The following AVPI1 variants were observed in gnomAD, a reference collection of about 807,000 sequenced individuals.
AVPI1 encodes arginine vasopressin-induced protein 1.
In AVPI1, 9 loss-of-function variants were observed where a neutral mutation model predicts 11.9. The observed-to-expected ratio is 0.76, with a 90% CI of 0.46 to 1.32. The LOEUF (loss-of-function observed/expected upper bound fraction) is 1.32, where lower values mean the gene tolerates loss of function less well. AVPI1 is among the 40% of genes most tolerant of loss of function. The pLI is 0.00. For missense variants in AVPI1, 207 were observed against 195.8 expected, an observed-to-expected ratio of 1.06 and a Z score of -0.34; for synonymous variants, 68 against 78.1, an observed-to-expected ratio of 0.87 and a Z score of 0.68.
At chr10:97,679,209 A>G (rs188335856) in intron 2 of AVPI1, among the ~76,000 whole-genome samples, 1 of 145,140 alleles carries the variant, frequency 6.9e-6, no homozygotes, top group Non-Finnish European at 1.5e-5. Context: ...CGGTGGCGTC[A>G]TCTCAGCTCA....
intron 1 of AVPI1, among the ~76,000 whole-genome samples, chr10:97,681,307 G>A (rs2041701979): frequency 6.6e-6 from 1 of 152,216 alleles, no homozygotes; most frequent in Admixed American, 6.5e-5. Flanking sequence ...GATATGGCTG[G>A]GCGTGGTGGC....
intron 2 of AVPI1, among the ~76,000 whole-genome samples, chr10:97,678,914 T>A (rs1453933135): frequency 2.0e-4 from 2 of 10,244 alleles, no homozygotes; most frequent in Non-Finnish European, 5.0e-4. Context: ...TGTGTGTGTG[T>A]GTGTGTGTGT....
rs1420285811 is a variant in AVPI1, at chr10:97,679,708, A to G, written c.198T>C (p.Arg66=). 2 of 1,614,134 alleles carry G rather than the reference A, an allele frequency of 1.2e-6. No individual in the cohort carries two copies. The highest frequency in any genetic ancestry group is 8.5e-7 in the Non-Finnish European group (1 of 1,180,024). Residue 66 remains arginine (R), a synonymous_variant, in exon 2 of 3, where the codon CGT becomes CGC. Transcript: ENST00000370626. ...QIIWECAGDH[R]VAEALKRLRR... is the part of the protein sequence containing the mutation. ...GCAGCCTCTTGAGGGCCTCAGCCACACGGTGGTCCCCTGCACATTCCCAGA... is the reference window on the plus strand; with the variant it reads ...GCAGCCTCTTGAGGGCCTCAGCCACGCGGTGGTCCCCTGCACATTCCCAGA...
chr10:97,681,838 A>T (rs529855645), intron 1 of AVPI1, among the ~76,000 whole-genome samples: 2 of 149,124 alleles, frequency 1.3e-5, no homozygotes, highest in South Asian at 4.2e-4. Context: ...AGATTGCGCC[A>T]CTGCAGTCCG....
chr10:97,684,577 A>T (rs1180082067), intron 1 of AVPI1, among the ~76,000 whole-genome samples: 1 of 145,146 alleles, frequency 6.9e-6, no homozygotes, highest in Non-Finnish European at 1.5e-5. Context: ...AGCTCACTGC[A>T]ACCTCTGCCT....
At chr10:97,680,601 G>A (rs558787081) in intron 1 of AVPI1, among the ~76,000 whole-genome samples, 22 of 152,242 alleles carry the variant, frequency 1.4e-4, no homozygotes, top group Admixed American at 3.9e-4. Flanking sequence ...GCTGCCTCCC[G>A]TGTCAAATTA....
At chr10:97,683,730 C>T (rs1455509004) in intron 1 of AVPI1, among the ~76,000 whole-genome samples, 2 of 152,232 alleles carry the variant, frequency 1.3e-5, no homozygotes, top group African/African-American at 4.8e-5. Flanking sequence ...GCCCAGCTTC[C>T]ACAGAAGAAA....
chr10:97,683,164 A>AT lies in AVPI1; in HGVS notation c.-10-3250dup, dbSNP rs952841289. Among the ~76,000 whole-genome samples, 117 of 149,822 alleles carry AT rather than the reference A, an allele frequency of 7.8e-4. 1 individual carries two copies. In the South Asian group the frequency reaches 0.014, roughly 18 times the overall value. On this transcript the variant is annotated intron_variant, in intron 1 of 2. Transcript: ENST00000370626. The stretch of plus-strand genomic sequence containing the variant: ...GACTGCAGCCCATGCTTTTATTTTT[A>AT]TTTTTTTTTTGAGAGTGAGTTTTGC...
In AVPI1 at chr10:97,686,976, C is replaced by T. The variant is rs1319131342; in HGVS notation, c.-221G>A. ...GGCGACATCTGCAGCACGAGGAGGC[C>T]CCGGGACTCAGACGTGGCCGCTTCG... On this transcript the variant is annotated 5_prime_UTR_variant, in exon 1 of 3. Transcript: ENST00000370626. The T allele has an allele frequency of 1.3e-5, 2 of 152,348 alleles. No homozygotes were observed. The highest frequency in any genetic ancestry group is 2.9e-5 in the Non-Finnish European group (2 of 68,150). The allele number at this position is 152,348 out of a possible 1,614,324, so 9.4% of individuals were successfully genotyped here.
At chr10:97,683,867 A>ACCATGTTGGCCAG (rs1327694774) in intron 1 of AVPI1, among the ~76,000 whole-genome samples, 4 of 151,878 alleles carry the variant, frequency 2.6e-5, no homozygotes, top group African/African-American at 9.7e-5. Context: ...TCTGTGGGTC[A>ACCATGTTGGCCAG]GCTTCCCTGT....
intron 2 of AVPI1, among the ~76,000 whole-genome samples, chr10:97,678,471 T>C (rs994225406): frequency 6.6e-6 from 1 of 152,112 alleles, no homozygotes; most frequent in Non-Finnish European, 1.5e-5. Flanking sequence ...GCATCACCCA[T>C]AGTGATTGGT....
chr10:97,682,632 C>T lies in AVPI1; in HGVS notation c.-10-2717G>A, dbSNP rs546326303. On this transcript the variant is annotated intron_variant, in intron 1 of 2. Transcript: ENST00000370626. Reference sequence around the variant, plus strand: ...CCCCTTGCCCTGGCCTTCTCCGCTCCTCACCTCAATAGTCACCCTCATTAT... The same window carrying T: ...CCCCTTGCCCTGGCCTTCTCCGCTCTTCACCTCAATAGTCACCCTCATTAT... Among the ~76,000 whole-genome samples the T allele has an allele frequency of 1.0e-3, 152 of 152,200 alleles. 2 individuals are homozygous for T. Among genetic ancestry groups the T allele is most frequent in the African/African-American group, 3.5e-3 (144 of 41,540 alleles).
intron 2 of AVPI1, among the ~76,000 whole-genome samples, chr10:97,679,268 C>A (rs1384675102): frequency 6.6e-6 from 1 of 151,528 alleles, no homozygotes; most frequent in Non-Finnish European, 1.5e-5. Flanking sequence ...CCTCACCCTG[C>A]TGAGTAGCTG....
chr10:97,684,306 G>C (rs1356507934), intron 1 of AVPI1, among the ~76,000 whole-genome samples: 8 of 152,068 alleles, frequency 5.3e-5, no homozygotes, highest in Admixed American at 5.2e-4. Flanking sequence ...GGGAGGAAAT[G>C]GCTTGGAGCC....
At chr10:97,684,842 A>G (rs567748499) in intron 1 of AVPI1, among the ~76,000 whole-genome samples, 1 of 152,310 alleles carries the variant, frequency 6.6e-6, no homozygotes, top group South Asian at 2.1e-4. Flanking sequence ...TGGGATTCAG[A>G]CAGCAGAGTG....
In AVPI1 at chr10:97,679,710, G is replaced by T. The variant is rs1163916825; in HGVS notation, c.196C>A (p.Arg66Ser). ...QIIWECAGDH[R>S]VAEALKRLRR... ...AGCCTCTTGAGGGCCTCAGCCACAC[G>T]GTGGTCCCCTGCACATTCCCAGATG... Residue 66 changes from arginine to serine, a missense_variant, in exon 2 of 3, where the codon CGT (arginine) becomes AGT (serine). Transcript: ENST00000370626. 3.1e-6 allele frequency: 5 copies of T among 1,614,040 alleles called. No homozygotes were observed. In the South Asian group the frequency reaches 5.5e-5, roughly 18 times the overall value.
chr10:97,677,834 G>A lies in AVPI1; in HGVS notation c.*35C>T. On this transcript the variant is annotated 3_prime_UTR_variant, in exon 3 of 3. Transcript: ENST00000370626. ...CACCTCCCCAGGCCTTTTGGCAAGA[G>A]GGAAGACACTGCCATTCCTGGCTCT... 2 of 1,610,774 alleles carry A rather than the reference G, an allele frequency of 1.2e-6. No individual in the cohort carries two copies. Among genetic ancestry groups the A allele is most frequent in the African/African-American group, 1.3e-5 (1 of 75,038 alleles).
At chr10:97,679,395 G>A (rs558993979) in intron 2 of AVPI1, among the ~76,000 whole-genome samples, 10 of 152,068 alleles carry the variant, frequency 6.6e-5, no homozygotes, top group Non-Finnish European at 1.2e-4. Context: ...TGCCTGCCTC[G>A]GCCTCCCAAA....
At position 97,677,789 on chromosome 10, in the gene AVPI1, G is replaced by A; in HGVS notation, c.*80C>T. ...TTTCATTTACCCCTTTGGGCTGCTT[G>A]CCTAAAGTCTCTCTTCCTTCACCTC... On this transcript the variant is annotated 3_prime_UTR_variant, in exon 3 of 3. Transcript: ENST00000370626. The A allele has an allele frequency of 6.4e-7, 1 of 1,558,900 alleles. No individual in the cohort carries two copies. The highest frequency in any genetic ancestry group is 8.7e-7 in the Non-Finnish European group (1 of 1,145,286).
Sources: allele counts gnomAD v4.1 joint callset (sites outside exome capture counted in the v4.1 genomes callset), GRCh38; gene constraint gnomAD v4.1.1; transcripts MANE v1.5; gene names NCBI Gene and HGNC (gene_info 2026-07-23, HGNC 2026-07-21).